Variants in PCID2 observed in about 807,000 individuals in gnomAD.
PCID2 encodes the protein PCI domain-containing protein 2.
A neutral mutation model predicts 61.3 loss-of-function variants in PCID2; 41 were observed. That is an observed-to-expected ratio of 0.67 (90% confidence interval 0.52 to 0.87). The LOEUF is 0.87. Among genes scored for constraint, PCID2 ranks in the 40% least tolerant of loss-of-function variants. The pLI is 0.00. For missense variants in PCID2, 392 were observed against 493.4 expected (o/e 0.79, Z 1.95); for synonymous variants, 187 against 177.8 (o/e 1.05, Z -0.41).
the PCID2 span, chr13:113,171,732 G>A: frequency 6.2e-7 from 1 of 1,612,348 alleles, no homozygotes; most frequent in Non-Finnish European, 8.5e-7. The surrounding 1 kb of genome is among the most constrained non-coding windows in gnomAD (Gnocchi z 5.1). Flanking sequence ...CCAGGTGCGG[G>A]GCTCCCCGTG....
rs1284758397 is a variant in PCID2 at position 113,181,224 on chromosome 13, T to G, written c.692A>C (p.Glu231Ala). The G allele has an allele frequency of 6.2e-7, 1 of 1,610,468 alleles. No individual in the cohort carries two copies. Residue 231 changes from glutamate (E) to alanine (A), a missense_variant, in exon 10 of 14, where the codon GAG becomes GCG. Transcript: ENST00000337344. ...ATGCTCAAAGGCAAATGACAGGTAC[T>G]CCTCAGCTGCAAAGAAGGCAGAGCC... ...MFDSDFKQAE[E>A]YLSFAFEHCH...
At position 113,197,239 on chromosome 13, in the gene PCID2, T is replaced by G. The variant is rs756597788; in HGVS notation, c.205A>C (p.Thr69Pro). 1 of 1,609,108 alleles carries G rather than the reference T, an allele frequency of 6.2e-7. No homozygotes were observed. Reference sequence around the variant, plus strand: ...AAGTCATGATTCCCCACTGCATAAGTGCACCTGGAGGAGAAACAGAAACAT... The same window carrying G: ...AAGTCATGATTCCCCACTGCATAAGGGCACCTGGAGGAGAAACAGAAACAT... Reference protein sequence around the residue: ...DEMFAAHLRCTYAVGNHDFIE... With the variant: ...DEMFAAHLRCPYAVGNHDFIE... Residue 69 changes from threonine to proline, a missense_variant, in exon 4 of 14, where the codon ACT becomes CCT. Coordinates refer to ENST00000337344, the MANE Select transcript of PCID2 (RefSeq NM_001127202.4).
At chr13:113,172,456 G>C in the PCID2 span, 7 of 359,438 alleles carry the variant, frequency 1.9e-5, no homozygotes, top group Non-Finnish European at 3.8e-5. Context: ...AGCCACCCCA[G>C]CCTGCACACT....
Position 113,198,221 on chromosome 13 carries a change from G to A in PCID2, c.170C>T (p.Pro57Leu), listed in dbSNP as rs770787135. 1.9e-6 allele frequency: 3 copies of A among 1,608,558 alleles called. No individual in the cohort carries two copies. The highest frequency in any genetic ancestry group is 1.3e-5 in the African/African-American group (1 of 74,766). ...EEKCQQVLEP[P>L]YDEMFAAHLR... The stretch of plus-strand genomic sequence containing the variant: ...ATGAGCTGCAAACATTTCATCATAA[G>A]GGGGTTCCAAGACTTGTTGACACTT... Residue 57 changes from proline to leucine, a missense_variant, in exon 3 of 14, where the codon CCT becomes CTT. This residue lies in a region of PCID2 where 155 missense variants were observed against 164.9 expected (regional missense o/e 0.94). Transcript: ENST00000337344.
At chr13:113,171,672 C>T in the PCID2 span, 90 of 1,613,882 alleles carry the variant, frequency 5.6e-5, no homozygotes, top group Non-Finnish European at 5.7e-5. The surrounding 1 kb of genome is among the most constrained non-coding windows in gnomAD (Gnocchi z 5.1). Context: ...GACGCGGACG[C>T]GGGGGAGAAT....
intron 7 of PCID2, chr13:113,186,235 G>C (rs1284797599): frequency 6.6e-6 from 1 of 152,412 alleles, no homozygotes; most frequent in African/African-American, 2.4e-5. Flanking sequence ...TGCCCCACAT[G>C]AGGGATGAGG....
At chr13:113,199,364 A>G (rs901484450) in intron 2 of PCID2, among the ~76,000 whole-genome samples, 1 of 152,198 alleles carries the variant, frequency 6.6e-6, no homozygotes, top group Non-Finnish European at 1.5e-5. Flanking sequence ...GATATATCCC[A>G]CTGGCTCTGT....
At chr13:113,178,720 G>A (rs940560394) in intron 13 of PCID2, among the ~76,000 whole-genome samples, 2 of 152,152 alleles carry the variant, frequency 1.3e-5, no homozygotes, top group Non-Finnish European at 2.9e-5. Flanking sequence ...GTATCCGAGG[G>A]GGGTTGGAGA....
intron 7 of PCID2, chr13:113,186,382 C>A (rs2038112984): frequency 6.6e-6 from 1 of 152,280 alleles, no homozygotes; most frequent in South Asian, 2.1e-4. Context: ...GGAGGGTGTG[C>A]CACTGTCTGC....
downstream of PCID2, among the ~76,000 whole-genome samples, chr13:113,176,772 G>A (rs2037198103): frequency 6.6e-6 from 1 of 152,006 alleles, no homozygotes; most frequent in African/African-American, 2.4e-5. Context: ...CAAAAAAGGA[G>A]GGAGAGAGTC....
rs1337938326 is a variant in PCID2, at chr13:113,195,109, A to G, written c.325T>C (p.Tyr109His). The G allele has an allele frequency of 1.2e-6, 2 of 1,610,914 alleles. No homozygotes were observed. Among genetic ancestry groups the G allele is most frequent in the Non-Finnish European group, 1.7e-6 (2 of 1,176,992 alleles). The change falls in exon 6 of 14, where the codon TAT becomes CAT. Residue 109 changes from tyrosine to histidine, a missense_variant. Transcript: ENST00000337344. ...KEENWALPVM[Y>H]AVALDLRVFA... is the part of the protein sequence containing the mutation. ...ACTCGAAGGTCAAGCGCTACTGCAT[A>G]CATGACAGGCAGAGCCCTGCAGGGC...
the PCID2 span, chr13:113,172,299 C>G: frequency 4.4e-6 from 3 of 678,798 alleles, no homozygotes; most frequent in Admixed American, 5.1e-5. Flanking sequence ...CTTTCTTTCC[C>G]TGGAACTCTT....
rs193073551 is a variant in PCID2, at chr13:113,202,065, C to G, written c.37-1549G>C. 7.9e-5 allele frequency among the ~76,000 whole-genome samples: 12 copies of G among 152,254 alleles called. No homozygotes were observed. In the East Asian group the frequency reaches 2.1e-3, roughly 27 times the overall value. On this transcript the variant is annotated intron_variant, in intron 1 of 13. Coordinates refer to ENST00000337344, the MANE Select transcript of PCID2 (RefSeq NM_001127202.4). The stretch of plus-strand genomic sequence containing the variant: ...TGATGACACCAAGTGTTGCCAGGAG[C>G]CTGAAGCAACTAGAAGGCTCACACA...
At chr13:113,199,919 T>C (rs553931502) in intron 2 of PCID2, among the ~76,000 whole-genome samples, 1 of 152,288 alleles carries the variant, frequency 6.6e-6, no homozygotes. Context: ...CACACTCCAA[T>C]ATGATAAAGG....
chr13:113,165,621 C>G, the PCID2 span, among the ~76,000 whole-genome samples: 1 of 152,228 alleles, frequency 6.6e-6, no homozygotes, highest in African/African-American at 2.4e-5. Flanking sequence ...ACCTCTGCCT[C>G]CTGGGCACAA....
chr13:113,181,999 TGAAGA>T (rs2037680187), intron 9 of PCID2, among the ~76,000 whole-genome samples: 4 of 152,070 alleles, frequency 2.6e-5, no homozygotes, highest in African/African-American at 7.2e-5. Context: ...TCTCCCTAGG[TGAAGA>T]GAAGAGGCTT....
At position 113,208,662 on chromosome 13, in the gene PCID2, C is replaced by G; in HGVS notation, c.-28G>C. On this transcript the variant is annotated 5_prime_UTR_variant, in exon 1 of 14. Transcript: ENST00000337344. ...GAGCGCCGCCGAACGGAGAGCGCCA[C>G]CCCCTACGCCTCAAGCGGGCCAGCT... is the stretch of plus-strand genomic sequence containing the variant. 1 of 1,599,466 alleles carries G rather than the reference C, an allele frequency of 6.3e-7. No homozygotes were observed. The highest frequency in any genetic ancestry group is 8.5e-7 in the Non-Finnish European group (1 of 1,173,832).
At chr13:113,186,195 G>A (rs1265007375) in intron 7 of PCID2, 1 of 152,494 alleles carries the variant, frequency 6.6e-6, no homozygotes, top group Non-Finnish European at 1.5e-5. Context: ...GCAACCCACA[G>A]TGGAACAAAT....
intron 7 of PCID2, among the ~76,000 whole-genome samples, chr13:113,190,523 CA>C (rs1419710109): frequency 6.6e-6 from 1 of 152,072 alleles, no homozygotes; most frequent in Non-Finnish European, 1.5e-5. Flanking sequence ...ACGAGAGTTT[CA>C]GAAAAATGAA....
Sources: allele counts gnomAD v4.1 joint callset (sites outside exome capture counted in the v4.1 genomes callset), GRCh38; gene constraint gnomAD v4.1.1; regional missense constraint gnomAD v4.1.1; non-coding constraint Gnocchi (gnomAD v3.1); transcripts MANE v1.5; gene names NCBI Gene and HGNC (gene_info 2026-07-23, HGNC 2026-07-21).